The following IRAK1BP1 variants were observed in gnomAD, a reference collection of about 807,000 sequenced individuals.
The protein encoded by IRAK1BP1 is interleukin-1 receptor-associated kinase 1-binding protein 1.
A neutral mutation model predicts 28.0 loss-of-function variants in IRAK1BP1; 24 were observed. The ratio of observed to expected loss-of-function variants is 0.86; its 90% CI spans 0.62 to 1.20. The LOEUF (loss-of-function observed/expected upper bound fraction) is 1.20, where lower values mean the gene tolerates loss of function less well. Ranked by LOEUF, IRAK1BP1 falls within the 50% of genes most tolerant of loss-of-function variation. IRAK1BP1 has a pLI of 0.00. For synonymous variants in IRAK1BP1, 131 were observed against 116.3 expected, an observed-to-expected ratio of 1.13 and a Z score of -0.81; for missense variants, 336 against 316.7, an observed-to-expected ratio of 1.06 and a Z score of -0.46.
chr6:78,955,311 A>G, the IRAK1BP1 span: 4 of 1,529,734 alleles, frequency 2.6e-6, no homozygotes, highest in East Asian at 2.3e-5. Flanking sequence ...CCAGATTCAT[A>G]AAACATTTTA....
chr6:78,970,277 G>T, the IRAK1BP1 span: 1 of 908,016 alleles, frequency 1.1e-6, no homozygotes, highest in Non-Finnish European at 1.7e-6. Flanking sequence ...ATCTTGATCT[G>T]GATGGTGATG....
At chr6:78,891,547 C>T (rs945537428) in intron 2 of IRAK1BP1, among the ~76,000 whole-genome samples, 5 of 152,074 alleles carry the variant, frequency 3.3e-5, no homozygotes, top group African/African-American at 7.2e-5. Context: ...CTGCAACCTC[C>T]GTCTCCCAGG....
chr6:78,872,433 C>T lies in IRAK1BP1; in HGVS notation c.315+4542C>T, dbSNP rs145660330. Among the ~76,000 whole-genome samples, 100 of 152,238 alleles carry T rather than the reference C, an allele frequency of 6.6e-4. 1 individual carries two copies. The South Asian group carries it at 8.3e-3, about 13-fold the overall frequency. ...AAAATGGTCACAACATGAATGTCCT[C>T]GTAAGCTATATATTTATACATGTCC... On this transcript the variant is annotated intron_variant, in intron 1 of 3. Coordinates refer to ENST00000369940, the MANE Select transcript of IRAK1BP1 (RefSeq NM_001010844.4).
the IRAK1BP1 span, among the ~76,000 whole-genome samples, chr6:78,973,474 G>C: frequency 1.1e-5 from 1 of 94,782 alleles, no homozygotes; most frequent in Non-Finnish European, 2.2e-5. Context: ...ATCAACTAAT[G>C]AGCAAAATAA....
At position 78,889,572 on chromosome 6, in the gene IRAK1BP1, C is replaced by CAA. The variant is rs34963207; in HGVS notation, c.381+4143_381+4144dup. Among the ~76,000 whole-genome samples, 154 of 116,918 alleles carry CAA rather than the reference C, an allele frequency of 1.3e-3. 1 individual carries two copies. The highest frequency in any genetic ancestry group is 0.011 in the East Asian group (49 of 4,656). The allele number at this position is 116,918 out of a possible 152,430, so 76.7% of individuals were successfully genotyped here. A position where few individuals can be genotyped will look rare whatever the true frequency, so the allele number is the denominator to read the frequency against. The stretch of plus-strand genomic sequence containing the variant: ...AGAATCTACAAGGAACTGAAATTTA[C>CAA]AAAAAAAAAAAAAAATCCCCATCAA... On this transcript the variant is annotated intron_variant, in intron 2 of 3. Coordinates refer to ENST00000369940, the MANE Select transcript of IRAK1BP1 (RefSeq NM_001010844.4).
chr6:78,948,892 G>T (rs756138979), downstream of IRAK1BP1, among the ~76,000 whole-genome samples: 31 of 152,278 alleles, frequency 2.0e-4, no homozygotes, highest in South Asian at 1.0e-3. Flanking sequence ...AAATACGTCT[G>T]ACCATGAAGA....
At chr6:78,878,764 A>G (rs1048901031) in intron 1 of IRAK1BP1, among the ~76,000 whole-genome samples, 2 of 152,198 alleles carry the variant, frequency 1.3e-5, no homozygotes, top group South Asian at 2.1e-4. Flanking sequence ...AAAAGATTAG[A>G]TGAATGGCTA....
intron 4 of IRAK1BP1, chr6:78,940,128 G>A (rs1773413696): frequency 6.6e-6 from 1 of 152,218 alleles, no homozygotes; most frequent in African/African-American, 2.4e-5. Context: ...CTTTGTAGAT[G>A]AACATTCTAT....
the IRAK1BP1 span, among the ~76,000 whole-genome samples, chr6:78,972,630 A>C: frequency 6.6e-6 from 1 of 152,176 alleles, no homozygotes; most frequent in East Asian, 1.9e-4. Flanking sequence ...AAAACTTTGA[A>C]AAAAATTTAG....
At chr6:78,955,531 A>T in the IRAK1BP1 span, 1 of 589,662 alleles carries the variant, frequency 1.7e-6, no homozygotes. Context: ...TGTTCACAAC[A>T]GCTTTTACCT....
rs1259939316 is a variant in IRAK1BP1, at chr6:78,915,079, CA to C, written c.*67+11972del. ...AGGTGATCCACCCACCTCAGCCTCC[CA>C]AAGTGCTGGGATTACAGGTGTGAGC... On this transcript the variant is annotated intron_variant and NMD_transcript_variant, in intron 4 of 4. Coordinates refer to the IRAK1BP1 transcript ENST00000606868. Among the ~76,000 whole-genome samples the C allele has an allele frequency of 1.2e-4, 19 of 152,312 alleles. No individual in the cohort carries two copies. The East Asian group carries it at 2.7e-3, about 22-fold the overall frequency.
downstream of IRAK1BP1, among the ~76,000 whole-genome samples, chr6:78,904,778 A>G (rs1772219669): frequency 6.6e-6 from 1 of 152,224 alleles, no homozygotes; most frequent in South Asian, 2.1e-4. Flanking sequence ...TACATTCTAT[A>G]GGGAATAGGA....
At chr6:78,871,250 A>G (rs955240347) in intron 1 of IRAK1BP1, 6 of 984,828 alleles carry the variant, frequency 6.1e-6, no homozygotes, top group Non-Finnish European at 7.2e-6. Context: ...TGACCTCACA[A>G]TGTCTGGTCC....
chr6:78,927,414 G>A (rs750522886), intron 4 of IRAK1BP1, among the ~76,000 whole-genome samples: 1 of 151,800 alleles, frequency 6.6e-6, no homozygotes, highest in Non-Finnish European at 1.5e-5. Flanking sequence ...TCCTATAAAG[G>A]TGTTTGAGCT....
intron 4 of IRAK1BP1, chr6:78,935,722 G>T (rs554262322): frequency 1.3e-5 from 13 of 985,118 alleles, no homozygotes; most frequent in Non-Finnish European, 1.6e-5. Flanking sequence ...CAGGGCACTG[G>T]AAACTCTAAT....
intron 4 of IRAK1BP1, among the ~76,000 whole-genome samples, chr6:78,908,901 T>G (rs1772333661): frequency 6.6e-6 from 1 of 152,164 alleles, no homozygotes; most frequent in Non-Finnish European, 1.5e-5. Context: ...CTGAAGGAGA[T>G]AGATAGGATC....
In IRAK1BP1 at chr6:78,867,822, C is replaced by T. The variant is rs1290221847; in HGVS notation, c.246C>T (p.Ala82=). 1.9e-6 allele frequency: 3 copies of T among 1,612,558 alleles called. No homozygotes were observed. Among genetic ancestry groups the T allele is most frequent in the Non-Finnish European group, 2.5e-6 (3 of 1,179,268 alleles). ...TGAGCAGCACCAAGGAGGCGGCAGCCGAGGCCAAAAAGAGCGTTTGTCGCC... is the reference window on the plus strand; with the variant it reads ...TGAGCAGCACCAAGGAGGCGGCAGCTGAGGCCAAAAAGAGCGTTTGTCGCC... ...VRVSSTKEAA[A]EAKKSVCRRL... is the part of the protein sequence containing the mutation. The change falls in exon 1 of 4, where the codon GCC becomes GCT. Residue 82 remains alanine, a synonymous_variant. Transcript: ENST00000369940.
intron 4 of IRAK1BP1, among the ~76,000 whole-genome samples, chr6:78,921,179 G>A (rs1772714350): frequency 6.6e-6 from 1 of 152,202 alleles, no homozygotes; most frequent in Non-Finnish European, 1.5e-5. Context: ...TCCTAGCCAA[G>A]GAAAGGGGTG....
chr6:78,934,313 G>A (rs1401879915), intron 4 of IRAK1BP1, among the ~76,000 whole-genome samples: 1 of 152,222 alleles, frequency 6.6e-6, no homozygotes, highest in African/African-American at 2.4e-5. Context: ...ACCAAAATGT[G>A]ACACATGAAG....
Sources: allele counts gnomAD v4.1 joint callset (sites outside exome capture counted in the v4.1 genomes callset), GRCh38; gene constraint gnomAD v4.1.1; transcripts MANE v1.5; gene names NCBI Gene and HGNC (gene_info 2026-07-23, HGNC 2026-07-21).